LRFN5: variants seen among roughly 807,000 people sequenced by gnomAD.
LRFN5 encodes leucine rich repeat and fibronectin type III domain containing 5.
Under a neutral mutation model 45.6 loss-of-function variants are expected in LRFN5, and 24 were observed. That is an observed-to-expected ratio of 0.53 (90% CI 0.38 to 0.74). The LOEUF is 0.74. Among genes scored for constraint, LRFN5 ranks in the 30% least tolerant of loss-of-function variants. The probability of loss-of-function intolerance (pLI) is 0.00; values close to 1 mark genes in which losing one functional copy is unlikely to be tolerated. For synonymous variants in LRFN5, 340 were observed against 313.8 expected (o/e 1.08, Z -0.88); for missense variants, 776 against 861.5 (o/e 0.90, Z 1.24).
At chr14:41,673,247 G>A (rs1881326564) in intron 1 of LRFN5, among the ~76,000 whole-genome samples, 1 of 151,978 alleles carries the variant, frequency 6.6e-6, no homozygotes, top group African/African-American at 2.4e-5. Context: ...TCCCAGACGG[G>A]GTGGTGGCCG....
chr14:41,758,578 C>T (rs1192459453), intron 1 of LRFN5, among the ~76,000 whole-genome samples: 2 of 152,134 alleles, frequency 1.3e-5, no homozygotes, highest in Non-Finnish European at 2.9e-5. Context: ...TTTCTTATGT[C>T]CTTTCTTAAG....
intron 1 of LRFN5, among the ~76,000 whole-genome samples, chr14:41,675,247 C>G (rs112583593): frequency 0.04 from 6,104 of 152,246 alleles, 383 homozygotes; most frequent in African/African-American, 0.14. Flanking sequence ...GAGGCCAAGG[C>G]AGGCGGGTGG....
intron 2 of LRFN5, among the ~76,000 whole-genome samples, chr14:41,870,972 C>G (rs976189430): frequency 6.6e-6 from 1 of 151,750 alleles, no homozygotes; most frequent in Non-Finnish European, 1.5e-5. Flanking sequence ...CATCTAAATA[C>G]TAGATTATCA....
At chr14:41,623,352 C>G (rs745422976) in intron 1 of LRFN5, among the ~76,000 whole-genome samples, 10 of 152,126 alleles carry the variant, frequency 6.6e-5, no homozygotes, top group Middle Eastern at 3.4e-3. Context: ...GTAAGTTTCC[C>G]GAGGCTTCCC....
At chr14:41,807,943 G>A (rs1263612178) in intron 2 of LRFN5, among the ~76,000 whole-genome samples, 1 of 151,836 alleles carries the variant, frequency 6.6e-6, no homozygotes, top group Non-Finnish European at 1.5e-5. Context: ...ACTCCTTGTA[G>A]TCTAGTCCTG....
intron 2 of LRFN5, among the ~76,000 whole-genome samples, chr14:41,834,010 G>A (rs1888575117): frequency 6.6e-6 from 1 of 152,090 alleles, no homozygotes; most frequent in Non-Finnish European, 1.5e-5. Flanking sequence ...GCCTATTTTA[G>A]TGCAGTGGTG....
chr14:41,724,114 A>G (rs930142684), intron 1 of LRFN5, among the ~76,000 whole-genome samples: 4 of 152,134 alleles, frequency 2.6e-5, no homozygotes, highest in Non-Finnish European at 4.4e-5. Flanking sequence ...CACTTTTATC[A>G]GCCAAATGCT....
At chr14:41,778,729 G>T (rs1274814288) in intron 2 of LRFN5, among the ~76,000 whole-genome samples, 13 of 151,738 alleles carry the variant, frequency 8.6e-5, no homozygotes, top group African/African-American at 2.9e-4. Context: ...CTTCACTAAA[G>T]CTAAAAGTTG....
chr14:41,741,827 C>CT (rs1030415463), intron 1 of LRFN5, among the ~76,000 whole-genome samples: 1 of 148,150 alleles, frequency 6.7e-6, no homozygotes, highest in Admixed American at 6.9e-5. Context: ...AAAAAAAAAA[C>CT]CAAAAAACTA....
Position 41,904,283 on chromosome 14 carries a change from C to T in LRFN5, c.*108C>T, listed in dbSNP as rs193174264. ...CAAAGGCTAATTGTTGAACTGGTGT[C>T]GTAGAAGAAATTGTCTACAGGAGCC... On this transcript the variant is annotated 3_prime_UTR_variant, in exon 6 of 6. Coordinates refer to ENST00000298119, the MANE Select transcript of LRFN5 (RefSeq NM_152447.5). The T allele has an allele frequency of 2.6e-5, 35 of 1,326,082 alleles. No individual in the cohort carries two copies. Among genetic ancestry groups the T allele is most frequent in the Admixed American group, 1.4e-4 (8 of 58,332 alleles). The allele number at this position is 1,326,082 out of a possible 1,614,324, so 82.1% of individuals were successfully genotyped here.
intron 2 of LRFN5, among the ~76,000 whole-genome samples, chr14:41,791,694 A>G (rs1240301613): frequency 5.3e-5 from 8 of 152,094 alleles, no homozygotes; most frequent in African/African-American, 1.7e-4. Flanking sequence ...TTTACTGATA[A>G]AAGTGTCTTT....
At chr14:41,896,805 G>C (rs1890953834) in intron 4 of LRFN5, among the ~76,000 whole-genome samples, 1 of 151,878 alleles carries the variant, frequency 6.6e-6, no homozygotes, top group Admixed American at 6.6e-5. Flanking sequence ...CTTAAAAAGA[G>C]TGGTAGGCCG....
chr14:41,678,417 C>A (rs1447509210), intron 1 of LRFN5, among the ~76,000 whole-genome samples: 1 of 151,930 alleles, frequency 6.6e-6, no homozygotes, highest in Non-Finnish European at 1.5e-5. Flanking sequence ...AATAGAATTG[C>A]AGGGAGAAAT....
At chr14:41,793,997 C>T (rs562063488) in intron 2 of LRFN5, among the ~76,000 whole-genome samples, 5 of 152,062 alleles carry the variant, frequency 3.3e-5, no homozygotes, top group Non-Finnish European at 5.9e-5. Flanking sequence ...TCCTGTCACT[C>T]ACTTCCATAA....
chr14:41,623,693 A>G (rs1026184573), intron 1 of LRFN5, among the ~76,000 whole-genome samples: 6 of 152,156 alleles, frequency 3.9e-5, no homozygotes, highest in African/African-American at 1.4e-4. Flanking sequence ...TTTAATTGGA[A>G]ACTGTAGGGC....
chr14:41,894,331 A>G (rs1306400863), intron 4 of LRFN5: 7 of 896,720 alleles, frequency 7.8e-6, no homozygotes, highest in Admixed American at 1.2e-4. Context: ...TTCATTTCTC[A>G]TAGACATTTA....
intron 1 of LRFN5, among the ~76,000 whole-genome samples, chr14:41,742,432 C>A (rs1277410445): frequency 6.6e-6 from 1 of 151,682 alleles, no homozygotes; most frequent in African/African-American, 2.4e-5. Flanking sequence ...TAAGTGAATT[C>A]AGCCAGTCAT....
At chr14:41,673,326 C>T (rs1191204044) in intron 1 of LRFN5, among the ~76,000 whole-genome samples, 10 of 150,976 alleles carry the variant, frequency 6.6e-5, no homozygotes, top group Admixed American at 1.3e-4. Flanking sequence ...CGGGACGAGG[C>T]GGCTGGCCGG....
intron 1 of LRFN5, among the ~76,000 whole-genome samples, chr14:41,681,293 C>G (rs1025583211): frequency 1.3e-5 from 2 of 151,982 alleles, no homozygotes; most frequent in Non-Finnish European, 2.9e-5. Flanking sequence ...AGATTTAATT[C>G]AAATAAAGCC....
Sources: allele counts gnomAD v4.1 joint callset (sites outside exome capture counted in the v4.1 genomes callset), GRCh38; gene constraint gnomAD v4.1.1; transcripts MANE v1.5; gene names NCBI Gene and HGNC (gene_info 2026-07-23, HGNC 2026-07-21).